The following PDE1A variants were observed in gnomAD, a reference collection of about 807,000 sequenced individuals.
The protein encoded by PDE1A is phosphodiesterase 1A, also known as dual specificity calcium/calmodulin-dependent 3',5'-cyclic nucleotide phosphodiesterase 1A.
Under a neutral mutation model 61.7 loss-of-function variants are expected in PDE1A, and 35 were observed. That is an observed-to-expected ratio of 0.57 (90% CI 0.43 to 0.75). The LOEUF is 0.75. PDE1A is among the 30% of genes least tolerant of loss of function. PDE1A has a pLI of 0.00. For missense variants in PDE1A, 597 were observed against 630.6 expected (o/e 0.95, Z 0.57); for synonymous variants, 232 against 213.2 (o/e 1.09, Z -0.77).
At chr2:182,444,618 T>C (rs1205053004) in intron 2 of PDE1A, among the ~76,000 whole-genome samples, 1 of 152,060 alleles carries the variant, frequency 6.6e-6, no homozygotes, top group Non-Finnish European at 1.5e-5. Context: ...TCTATCAATA[T>C]ATCTCTCTCT....
the PDE1A span, among the ~76,000 whole-genome samples, chr2:182,599,395 T>C: frequency 6.6e-6 from 1 of 152,190 alleles, no homozygotes. Context: ...AGACAGAAGC[T>C]ACAATGCCTT....
At chr2:182,533,237 T>C in the PDE1A span, among the ~76,000 whole-genome samples, 1 of 149,148 alleles carries the variant, frequency 6.7e-6, no homozygotes, top group African/African-American at 2.5e-5. Context: ...CCTGAACCCG[T>C]GGGGTGGAGA....
chr2:182,383,868 G>A (rs1700874301), intron 1 of PDE1A, among the ~76,000 whole-genome samples: 3 of 152,184 alleles, frequency 2.0e-5, no homozygotes, highest in Non-Finnish European at 4.4e-5. Flanking sequence ...ACAGAAGTGA[G>A]CACAGGACTT....
intron 1 of PDE1A, among the ~76,000 whole-genome samples, chr2:182,375,515 T>G (rs1481221349): frequency 1.3e-5 from 2 of 152,222 alleles, no homozygotes; most frequent in African/African-American, 4.8e-5. Flanking sequence ...TTTCATGGCC[T>G]TGGGCAGCTC....
the PDE1A span, among the ~76,000 whole-genome samples, chr2:182,657,208 C>T: frequency 3.3e-5 from 5 of 151,974 alleles, no homozygotes; most frequent in Admixed American, 2.0e-4. Flanking sequence ...GGTGACAGAT[C>T]GAGACTCCGT....
chr2:182,237,771 G>A (rs1049926784), intron 3 of PDE1A, among the ~76,000 whole-genome samples: 1 of 152,178 alleles, frequency 6.6e-6, no homozygotes, highest in African/African-American at 2.4e-5. Flanking sequence ...GAAGGGTGGG[G>A]AGAACCACTT....
intron 1 of PDE1A, among the ~76,000 whole-genome samples, chr2:182,318,702 A>G (rs1696506187): frequency 6.6e-6 from 1 of 152,162 alleles, no homozygotes; most frequent in African/African-American, 2.4e-5. Context: ...TGGAGACTCT[A>G]GGAGGAAAGG....
At chr2:182,580,209 G>A in the PDE1A span, among the ~76,000 whole-genome samples, 1 of 152,112 alleles carries the variant, frequency 6.6e-6, no homozygotes, top group Non-Finnish European at 1.5e-5. Context: ...ACCTCAGAAT[G>A]TGACCTTATA....
At chr2:182,518,427 T>C (rs999609019) in intron 2 of PDE1A, among the ~76,000 whole-genome samples, 3 of 152,162 alleles carry the variant, frequency 2.0e-5, no homozygotes, top group East Asian at 1.9e-4. Flanking sequence ...TTGATAGTCA[T>C]GTTCACTACC....
intron 2 of PDE1A, among the ~76,000 whole-genome samples, chr2:182,252,286 T>C (rs1232863911): frequency 2.0e-5 from 3 of 152,132 alleles, no homozygotes; most frequent in Admixed American, 2.0e-4. Flanking sequence ...CTGTTTAATG[T>C]AGAAAAAGAT....
intron 1 of PDE1A, among the ~76,000 whole-genome samples, chr2:182,411,506 C>T (rs1702614075): frequency 6.6e-6 from 1 of 152,134 alleles, no homozygotes; most frequent in Admixed American, 6.5e-5. Flanking sequence ...TATGTATTTA[C>T]TTCTGTTTGG....
chr2:182,140,549 T>C (rs1690182538), exon 15 of PDE1A: 1 of 152,134 alleles, frequency 6.6e-6, no homozygotes, highest in Non-Finnish European at 1.5e-5. Flanking sequence ...TACAGCATAA[T>C]AAAAACACAA....
the PDE1A span, among the ~76,000 whole-genome samples, chr2:182,614,716 C>T: frequency 6.6e-6 from 1 of 152,070 alleles, no homozygotes; most frequent in Non-Finnish European, 1.5e-5. Context: ...TGCCACCACA[C>T]CCAGCCAATT....
the PDE1A span, among the ~76,000 whole-genome samples, chr2:182,528,651 C>T: frequency 3.3e-5 from 5 of 152,144 alleles, no homozygotes; most frequent in Non-Finnish European, 7.4e-5. Context: ...ACCTTTGTGG[C>T]AGCCCCTCCC....
At chr2:182,598,034 G>A in the PDE1A span, among the ~76,000 whole-genome samples, 1 of 152,236 alleles carries the variant, frequency 6.6e-6, no homozygotes, top group Non-Finnish European at 1.5e-5. Context: ...CAGCCTACTG[G>A]GTCACCAATG....
intron 2 of PDE1A, among the ~76,000 whole-genome samples, chr2:182,520,147 G>C (rs2125987785): frequency 6.6e-6 from 1 of 151,946 alleles, no homozygotes; most frequent in Non-Finnish European, 1.5e-5. Context: ...ATCAGCAATG[G>C]AATAGGGAGT....
chr2:182,687,711 G>T, the PDE1A span, among the ~76,000 whole-genome samples: 1 of 152,102 alleles, frequency 6.6e-6, no homozygotes, highest in Non-Finnish European at 1.5e-5. Flanking sequence ...AGAGAAGAAG[G>T]TTTCAGACAA....
chr2:182,392,418 T>C (rs1701473615), intron 1 of PDE1A, among the ~76,000 whole-genome samples: 2 of 152,204 alleles, frequency 1.3e-5, no homozygotes, highest in South Asian at 4.1e-4. Context: ...CACTTGGGAA[T>C]TTTGGGAGCT....
chr2:182,505,632 A>T (rs564449169), intron 2 of PDE1A, among the ~76,000 whole-genome samples: 20 of 152,282 alleles, frequency 1.3e-4, no homozygotes, highest in African/African-American at 4.8e-4. Flanking sequence ...CCACATGCCC[A>T]TCCTCCAATA....
Sources: gnomAD v4.1 joint callset for allele counts (sites outside exome capture counted in the v4.1 genomes callset) on GRCh38, gnomAD v4.1.1 for gene constraint, MANE v1.5 for transcripts, NCBI Gene and HGNC (gene_info 2026-07-23, HGNC 2026-07-21) for gene names.